SRP72: variants seen among roughly 807,000 people sequenced by gnomAD.
SRP72 encodes signal recognition particle 72, also known as signal recognition particle subunit SRP72.
In SRP72, 49 loss-of-function variants were observed where a neutral mutation model predicts 96.3. That is an observed-to-expected ratio of 0.51 (90% CI 0.40 to 0.65). SRP72 has a LOEUF of 0.65. Among genes scored for constraint, SRP72 ranks in the 30% least tolerant of loss-of-function variants. The pLI is 0.00. For synonymous variants in SRP72, 267 were observed against 275.2 expected (o/e 0.97, Z 0.30); for missense variants, 736 against 793.3 (o/e 0.93, Z 0.87).
chr4:56,490,601 G>A lies in SRP72; in HGVS notation c.1458G>A (p.Gln486=), dbSNP rs771860199. 11 of 1,613,904 alleles carry A rather than the reference G, an allele frequency of 6.8e-6. No homozygotes were observed. Among genetic ancestry groups the A allele is most frequent in the East Asian group, 4.5e-5 (2 of 44,852 alleles). The change falls in exon 15 of 19, where the codon CAG becomes CAA. Residue 486 remains glutamine, a synonymous_variant. Coordinates refer to ENST00000642900, the MANE Select transcript of SRP72 (RefSeq NM_006947.4). ...QNPKDIHTLA[Q]LISAYSLVDP... is the part of the protein sequence containing the mutation. ...CAAAAGATATTCACACCCTGGCACA[G>A]CTTATTTCTGCTTACTCACTTGTAG...
chr4:56,474,056 A>G lies in SRP72; in HGVS notation c.357A>G (p.Leu119=). ...DKLKELYGQV[L]YRLERYDECL... Reference sequence around the variant, plus strand: ...TTTACTTGCTATTTATTATTCAGTTATACCGTTTGGAACGCTATGATGAAT... The same window carrying G: ...TTTACTTGCTATTTATTATTCAGTTGTACCGTTTGGAACGCTATGATGAAT... The change falls in exon 4 of 19, where the codon TTA becomes TTG. Residue 119 remains leucine, a splice_region_variant and synonymous_variant. Transcript: ENST00000642900. The G allele has an allele frequency of 1.9e-6, 3 of 1,612,040 alleles. No individual in the cohort carries two copies. Among genetic ancestry groups the G allele is most frequent in the Non-Finnish European group, 2.5e-6 (3 of 1,179,420 alleles).
At chr4:56,476,000 A>G (rs754949583) in intron 5 of SRP72, 5 of 152,322 alleles carry the variant, frequency 3.3e-5, no homozygotes, top group African/African-American at 7.2e-5. Context: ...ATTAAAAAAG[A>G]TACAGTAATG....
Position 56,483,195 on chromosome 4 carries a change from A to G in SRP72, c.882A>G (p.Val294=), listed in dbSNP as rs552296422. ...TGAAATTAACCAATGCGGAAGGAGT[A>G]GAGTTTAAGCTTTCCAAGAAACAAC... ...KKVKLTNAEG[V]EFKLSKKQLQ... is the part of the protein sequence containing the mutation. Residue 294 remains valine (V), a synonymous_variant, in exon 9 of 19, where the codon GTA becomes GTG. Transcript: ENST00000642900. 5.6e-6 allele frequency: 9 copies of G among 1,612,186 alleles called. No individual in the cohort carries two copies. Among genetic ancestry groups the G allele is most frequent in the African/African-American group, 5.3e-5 (4 of 74,984 alleles).
chr4:56,480,957 A>T (rs1266907194), intron 8 of SRP72, among the ~76,000 whole-genome samples: 1 of 152,232 alleles, frequency 6.6e-6, no homozygotes, highest in Non-Finnish European at 1.5e-5. Flanking sequence ...TTGTAGGGGA[A>T]AAGTGAGAAC....
intron 3 of SRP72, among the ~76,000 whole-genome samples, chr4:56,473,302 T>C (rs900930910): frequency 7.9e-5 from 12 of 151,142 alleles, no homozygotes; most frequent in Middle Eastern, 3.2e-3. Context: ...TACTAAAAAA[T>C]ACAAAAAATT....
At chr4:56,473,110 C>T (rs977242011) in intron 3 of SRP72, among the ~76,000 whole-genome samples, 1 of 152,194 alleles carries the variant, frequency 6.6e-6, no homozygotes, top group South Asian at 2.1e-4. Context: ...AATTTTAGAT[C>T]TAGGTAACAG....
intron 17 of SRP72, among the ~76,000 whole-genome samples, chr4:56,498,664 G>A (rs1045054494): frequency 2.0e-4 from 31 of 152,056 alleles, no homozygotes; most frequent in African/African-American, 7.0e-4. Flanking sequence ...GTGAACTCCC[G>A]TTCACAATTG....
chr4:56,479,497 A>G (rs1229903131), intron 8 of SRP72, among the ~76,000 whole-genome samples: 2 of 151,292 alleles, frequency 1.3e-5, no homozygotes, highest in Non-Finnish European at 2.9e-5. Context: ...TCTAATGGAA[A>G]AAGCTTTATT....
At position 56,491,522 on chromosome 4, in the gene SRP72, A is replaced by C; in HGVS notation, c.1594A>C (p.Lys532Gln). ...TTCTGCTGGTGCTACATACATTCGGAAGAAGGGTGGAAAAGTTACTGGAGA... is the reference window on the plus strand; with the variant it reads ...TTCTGCTGGTGCTACATACATTCGGCAGAAGGGTGGAAAAGTTACTGGAGA... ...ENSAGATYIR[K>Q]KGGKVTGDSQ... Residue 532 changes from lysine (K) to glutamine (Q), a missense_variant, in exon 16 of 19, where the codon AAG becomes CAG. Transcript: ENST00000642900. The C allele has an allele frequency of 6.2e-7, 1 of 1,613,986 alleles. No homozygotes were observed.
chr4:56,491,221 C>T (rs1578193289), intron 15 of SRP72, among the ~76,000 whole-genome samples: 1 of 152,296 alleles, frequency 6.6e-6, no homozygotes, highest in East Asian at 1.9e-4. Context: ...ATTATGACTC[C>T]TCATGTTCTC....
intron 15 of SRP72, among the ~76,000 whole-genome samples, chr4:56,491,039 A>T (rs541870768): frequency 6.6e-6 from 1 of 152,290 alleles, no homozygotes; most frequent in African/African-American, 2.4e-5. Flanking sequence ...TGGTGCCCTT[A>T]TTGAGCTTGG....
chr4:56,488,231 A>G (rs1383456476), intron 12 of SRP72, among the ~76,000 whole-genome samples: 1 of 152,200 alleles, frequency 6.6e-6, no homozygotes, highest in African/African-American at 2.4e-5. Flanking sequence ...TAGGCCTTAT[A>G]GTATCACTGA....
At chr4:56,495,272 C>A in intron 16 of SRP72, 85 bp from the exon 17 acceptor site, 1 of 823,380 alleles carries the variant, frequency 1.2e-6, no homozygotes. Flanking sequence ...TGATAAGTGC[C>A]CAACTAACTC....
intron 8 of SRP72, among the ~76,000 whole-genome samples, chr4:56,482,043 C>A (rs1470881724): frequency 6.6e-6 from 1 of 151,376 alleles, no homozygotes; most frequent in Non-Finnish European, 1.5e-5. Flanking sequence ...GGATTACAGG[C>A]GTGAGCCACT....
intron 6 of SRP72, among the ~76,000 whole-genome samples, chr4:56,478,154 CTTTTTTTT>C (rs796835545): frequency 8.6e-6 from 1 of 115,782 alleles, no homozygotes; most frequent in African/African-American, 3.1e-5. Flanking sequence ...TTTGCCTTTT[CTTTTTTTT>C]TTTTTTTTCT....
intron 9 of SRP72, 72 bp downstream of exon 9, chr4:56,483,342 G>C: frequency 1.4e-6 from 2 of 1,402,368 alleles, no homozygotes; most frequent in Non-Finnish European, 1.9e-6. Context: ...AGGGATATTA[G>C]TCTAATCTTT....
At chr4:56,499,315 A>G (rs1207765189) in intron 17 of SRP72, among the ~76,000 whole-genome samples, 2 of 152,244 alleles carry the variant, frequency 1.3e-5, no homozygotes, top group Non-Finnish European at 2.9e-5. Flanking sequence ...GGACATAGGC[A>G]TGGGCAAGAA....
At chr4:56,485,400 C>CCAAA (rs766330733) in intron 10 of SRP72, among the ~76,000 whole-genome samples, 6 of 92,452 alleles carry the variant, frequency 6.5e-5, no homozygotes, top group Admixed American at 2.1e-4. Flanking sequence ...CTCCCCACAG[C>CCAAA]AAAAAAAAAA....
At chr4:56,468,380 G>A (rs980198786) in intron 1 of SRP72, among the ~76,000 whole-genome samples, 6 of 152,182 alleles carry the variant, frequency 3.9e-5, no homozygotes, top group African/African-American at 1.4e-4. Context: ...GAAAAGTTTG[G>A]CCTGTTTTTT....
Sources: allele counts gnomAD v4.1 joint callset (sites outside exome capture counted in the v4.1 genomes callset), GRCh38; gene constraint gnomAD v4.1.1; transcripts MANE v1.5; gene names NCBI Gene and HGNC (gene_info 2026-07-23, HGNC 2026-07-21).